The following ADAMTS6 variants were observed in gnomAD, a reference collection of about 807,000 sequenced individuals.
ADAMTS6 encodes the protein ADAM metallopeptidase with thrombospondin type 1 motif 6.
Under a neutral mutation model 144.3 loss-of-function variants are expected in ADAMTS6, and 23 were observed. The observed-to-expected ratio is 0.16, with a 90% confidence interval of 0.11 to 0.23. ADAMTS6 has a LOEUF of 0.23. ADAMTS6 is among the 10% of genes least tolerant of loss of function. The pLI is 1.00. For synonymous variants in ADAMTS6, 444 were observed against 457.5 expected (o/e 0.97, Z 0.38); for missense variants, 999 against 1,379.6 (o/e 0.72, Z 4.37).
At chr5:65,205,416 C>T (rs1244114376) in intron 20 of ADAMTS6, among the ~76,000 whole-genome samples, 1 of 152,144 alleles carries the variant, frequency 6.6e-6, no homozygotes, top group Non-Finnish European at 1.5e-5. Context: ...GCATTTGTCT[C>T]TGTTTTATCT....
intron 11 of ADAMTS6, among the ~76,000 whole-genome samples, chr5:65,283,376 T>TA (rs1461496385): frequency 1.3e-5 from 2 of 151,650 alleles, no homozygotes; most frequent in Non-Finnish European, 1.5e-5. Flanking sequence ...AAAACTAAAC[T>TA]AAAAAAACCC....
intron 7 of ADAMTS6, among the ~76,000 whole-genome samples, chr5:65,424,740 T>C (rs1394045038): frequency 6.6e-6 from 1 of 152,224 alleles, no homozygotes; most frequent in East Asian, 1.9e-4. Context: ...AATTCTATTT[T>C]AAAAATAATA....
chr5:65,420,837 G>A (rs1755970057), intron 7 of ADAMTS6, among the ~76,000 whole-genome samples: 1 of 151,890 alleles, frequency 6.6e-6, no homozygotes, highest in Admixed American at 6.6e-5. Context: ...ATTGTTTAAA[G>A]GACAAAAGAG....
chr5:65,310,493 C>G (rs1449363831), intron 9 of ADAMTS6, among the ~76,000 whole-genome samples: 1 of 152,094 alleles, frequency 6.6e-6, no homozygotes, highest in African/African-American at 2.4e-5. Context: ...CCACTGCACT[C>G]TAGCCTGGGT....
chr5:65,300,867 G>A (rs1252471503), intron 9 of ADAMTS6, among the ~76,000 whole-genome samples: 28 of 151,988 alleles, frequency 1.8e-4, no homozygotes, highest in African/African-American at 6.5e-4. Context: ...TCCTGACCTC[G>A]TGATCTGCCT....
At chr5:65,279,403 G>A (rs183215017) in intron 11 of ADAMTS6, among the ~76,000 whole-genome samples, 75 of 152,158 alleles carry the variant, frequency 4.9e-4, no homozygotes, top group African/African-American at 1.7e-3. Context: ...TGCAACCTCC[G>A]CCTCCCGGGT....
rs1185649587 is a variant in ADAMTS6, at chr5:65,152,034, A to AC, written c.3245-90dup. On this transcript the variant is annotated intron_variant, in intron 24 of 24. Transcript: ENST00000381055. ...CGATGGGCCTGCATGTTCAGCAAGG[A>AC]CCCCCTTTGGGCCAATCCACCTTGG... 2.5e-6 allele frequency: 3 copies of AC among 1,183,316 alleles called. No homozygotes were observed. The African/African-American group carries it at 4.5e-5, about 18-fold the overall frequency. 73.3% of individuals were successfully genotyped at this position (1,183,316 alleles called of 1,614,324 possible). A position where few individuals can be genotyped will look rare whatever the true frequency, so the allele number is the denominator to read the frequency against.
chr5:65,228,525 G>A (rs1757895354), intron 15 of ADAMTS6, among the ~76,000 whole-genome samples: 1 of 152,030 alleles, frequency 6.6e-6, no homozygotes, highest in South Asian at 2.1e-4. Context: ...AATTTTGACA[G>A]CTACTTATAG....
chr5:65,424,962 C>T (rs1756383305), intron 7 of ADAMTS6, among the ~76,000 whole-genome samples: 1 of 151,994 alleles, frequency 6.6e-6, no homozygotes, highest in Admixed American at 6.6e-5. Context: ...TTTCAACTCT[C>T]CTTCTCCTAG....
At chr5:65,274,125 TCCATTA>T (rs1388409303) in intron 11 of ADAMTS6, among the ~76,000 whole-genome samples, 1 of 152,108 alleles carries the variant, frequency 6.6e-6, no homozygotes, top group Non-Finnish European at 1.5e-5. Flanking sequence ...CCTATGATTT[TCCATTA>T]TCCTACCTCA....
intron 3 of ADAMTS6, among the ~76,000 whole-genome samples, chr5:65,468,489 ACTAAAACTG>A (rs1760196959): frequency 6.6e-6 from 1 of 151,928 alleles, no homozygotes; most frequent in African/African-American, 2.4e-5. Context: ...GATAAAGTTT[ACTAAAACTG>A]GTGTGTAAAA....
At chr5:65,223,155 C>T (rs1757451802) in intron 18 of ADAMTS6, among the ~76,000 whole-genome samples, 1 of 152,046 alleles carries the variant, frequency 6.6e-6, no homozygotes, top group Non-Finnish European at 1.5e-5. Flanking sequence ...AATAATACAT[C>T]CATTTTGGGA....
Position 65,397,547 on chromosome 5 carries a change from T to C in ADAMTS6, c.1073+53928A>G, listed in dbSNP as rs183135392. On this transcript the variant is annotated intron_variant, in intron 7 of 24. Transcript: ENST00000381055. ...AGTTCAAAGTATTTTTAATTTCTCT[T>C]CAGATTTTTCTTTTGACCCATGTGT... 2.5e-4 allele frequency among the ~76,000 whole-genome samples: 38 copies of C among 152,266 alleles called. No individual in the cohort carries two copies. In the East Asian group the frequency reaches 7.1e-3, roughly 29 times the overall value.
In ADAMTS6 at chr5:65,172,826, C is replaced by G. The variant is rs1753718418; in HGVS notation, c.3087+6G>C. The G allele has an allele frequency of 1.9e-6, 3 of 1,613,216 alleles. No individual in the cohort carries two copies. The highest frequency in any genetic ancestry group is 4.5e-5 in the East Asian group (2 of 44,880). On this transcript the variant is annotated splice_donor_region_variant and intron_variant, in intron 23 of 24. Transcript: ENST00000381055. Reference sequence around the variant, plus strand: ...TCAGCAGGAGCCCACAGTACAAACGCCTTACCTGGCCCCAGTCTCCTGTGA... The same window carrying G: ...TCAGCAGGAGCCCACAGTACAAACGGCTTACCTGGCCCCAGTCTCCTGTGA...
intron 22 of ADAMTS6, among the ~76,000 whole-genome samples, chr5:65,174,766 A>ACT (rs1293268067): frequency 2.6e-5 from 4 of 151,924 alleles, no homozygotes; most frequent in East Asian, 3.9e-4. Flanking sequence ...AAACTGTAAA[A>ACT]GTGTGTGTGT....
chr5:65,387,534 G>A (rs1752575173), intron 7 of ADAMTS6, among the ~76,000 whole-genome samples: 1 of 152,206 alleles, frequency 6.6e-6, no homozygotes, highest in African/African-American at 2.4e-5. Context: ...GGTCAAATGA[G>A]CCTGATGTCT....
At chr5:65,182,443 C>CAAAAAA (rs1216237939) in intron 22 of ADAMTS6, among the ~76,000 whole-genome samples, 6 of 56,464 alleles carry the variant, frequency 1.1e-4, no homozygotes, top group African/African-American at 1.6e-4. Context: ...GACTCCATCT[C>CAAAAAA]AAAAAAAAAA....
rs1205906948 is a variant in ADAMTS6 at position 65,471,204 on chromosome 5, G to A, written c.98-62C>T. 7.3e-6 allele frequency: 11 copies of A among 1,502,696 alleles called. No homozygotes were observed. The East Asian group carries it at 1.2e-4, about 16-fold the overall frequency. The allele number at this position is 1,502,696 out of a possible 1,614,324, so 93.1% of individuals were successfully genotyped here. On this transcript the variant is annotated intron_variant, in intron 2 of 24. Coordinates refer to ENST00000381055, the MANE Select transcript of ADAMTS6 (RefSeq NM_197941.4). ...CACATGGAAGAAAAGAAAATTTAAC[G>A]GAACAAAGAAGCAGCAATATAAACA...
At chr5:65,368,338 T>G (rs1314207031) in intron 7 of ADAMTS6, among the ~76,000 whole-genome samples, 1 of 152,232 alleles carries the variant, frequency 6.6e-6, no homozygotes, top group Non-Finnish European at 1.5e-5. Context: ...ACCAACTCAA[T>G]TGGCCTACAA....
Sources: allele counts gnomAD v4.1 joint callset (sites outside exome capture counted in the v4.1 genomes callset), GRCh38; gene constraint gnomAD v4.1.1; transcripts MANE v1.5; gene names NCBI Gene and HGNC (gene_info 2026-07-23, HGNC 2026-07-21).